Variants in DLGAP2 observed in about 807,000 individuals in gnomAD.
DLGAP2 encodes the protein disks large-associated protein 2.
A neutral mutation model predicts 100.3 loss-of-function variants in DLGAP2; 26 were observed. The observed-to-expected ratio is 0.26, with a 90% CI of 0.19 to 0.36. The LOEUF is 0.36. DLGAP2 is among the 10% of genes least tolerant of loss of function. The pLI, the probability that DLGAP2 is intolerant of heterozygous loss-of-function variation, is 1.00. For missense variants in DLGAP2, 1,858 were observed against 1,453.2 expected (o/e 1.28, Z -4.53); for synonymous variants, 886 against 630.1 (o/e 1.41, Z -6.08).
chr8:1,378,414 TCCGTC>T (rs1796012252), intron 3 of DLGAP2, among the ~76,000 whole-genome samples: 2 of 150,498 alleles, frequency 1.3e-5, no homozygotes, highest in African/African-American at 2.5e-5. Context: ...ACTTCGCCTG[TCCGTC>T]CTGCACACAC....
rs146247577 is a variant in DLGAP2 at position 1,056,279 on chromosome 8, C to T, written c.73+148313C>T. On this transcript the variant is annotated intron_variant, in intron 2 of 14. Coordinates refer to ENST00000637795, the MANE Select transcript of DLGAP2 (RefSeq NM_001346810.2). ...ACGTGGGCCTCTCCACTCGTGGCAT[C>T]TGTGGCCCCTCTAACGCATCCCATA... Among the ~76,000 whole-genome samples, 84 of 152,336 alleles carry T rather than the reference C, an allele frequency of 5.5e-4. No individual in the cohort carries two copies. The East Asian group carries it at 0.015, about 27-fold the overall frequency.
intron 2 of DLGAP2, among the ~76,000 whole-genome samples, chr8:960,048 C>G (rs1175309919): frequency 6.6e-6 from 1 of 151,978 alleles, no homozygotes; most frequent in Non-Finnish European, 1.5e-5. Flanking sequence ...ATAAAATCTT[C>G]AACCCTTAAG....
chr8:1,557,350 AGG>A (rs1801999859), intron 5 of DLGAP2, among the ~76,000 whole-genome samples: 1 of 152,080 alleles, frequency 6.6e-6, no homozygotes, highest in Non-Finnish European at 1.5e-5. Flanking sequence ...GACCTCCCTC[AGG>A]GTCCCGGAAA....
intron 2 of DLGAP2, among the ~76,000 whole-genome samples, chr8:987,559 G>T (rs961693785): frequency 5.9e-5 from 9 of 152,116 alleles, no homozygotes; most frequent in African/African-American, 1.7e-4. Flanking sequence ...TACTGGTTTT[G>T]TGGTTGCCCT....
At chr8:955,350 A>G (rs1406803744) in intron 2 of DLGAP2, among the ~76,000 whole-genome samples, 2 of 152,024 alleles carry the variant, frequency 1.3e-5, no homozygotes, top group African/African-American at 4.8e-5. Flanking sequence ...AGGCCTCTCA[A>G]TGTCAGAAGC....
At chr8:1,601,950 G>A (rs889033533) in intron 6 of DLGAP2, among the ~76,000 whole-genome samples, 4 of 150,060 alleles carry the variant, frequency 2.7e-5, no homozygotes, top group Admixed American at 6.6e-5. Context: ...AACAGGGTGT[G>A]TGTGTGTGTG....
At chr8:1,453,561 G>C (rs1214963783) in intron 3 of DLGAP2, among the ~76,000 whole-genome samples, 2 of 152,120 alleles carry the variant, frequency 1.3e-5, no homozygotes, top group Admixed American at 6.6e-5. Context: ...CTTGAGTGCA[G>C]TCATTTGCAA....
At chr8:953,367 T>C (rs1489378995) in intron 2 of DLGAP2, among the ~76,000 whole-genome samples, 1 of 152,100 alleles carries the variant, frequency 6.6e-6, no homozygotes, top group Non-Finnish European at 1.5e-5. Context: ...CTAATTTTTG[T>C]ATTTTTAGCA....
intron 3 of DLGAP2, among the ~76,000 whole-genome samples, chr8:1,475,296 C>A (rs569436398): frequency 3.9e-5 from 6 of 152,044 alleles, no homozygotes; most frequent in African/African-American, 1.4e-4. Flanking sequence ...TGCATGTGTA[C>A]CCTCAATTCT....
chr8:1,432,712 T>G (rs1003150913), intron 3 of DLGAP2, among the ~76,000 whole-genome samples: 2 of 152,240 alleles, frequency 1.3e-5, no homozygotes, highest in African/African-American at 4.8e-5. Flanking sequence ...GCTGTGAATT[T>G]GGCTGGTGAG....
intron 2 of DLGAP2, among the ~76,000 whole-genome samples, chr8:1,207,929 C>A (rs1798028645): frequency 6.6e-6 from 1 of 151,990 alleles, no homozygotes; most frequent in Admixed American, 6.6e-5. Flanking sequence ...GTTTTTATTT[C>A]TTGCTGGTTT....
chr8:1,513,474 T>C (rs900003342), intron 4 of DLGAP2, among the ~76,000 whole-genome samples: 10 of 152,138 alleles, frequency 6.6e-5, no homozygotes, highest in African/African-American at 2.4e-4. Flanking sequence ...GTGGGAGCGG[T>C]GCAAGCACAG....
At chr8:769,521 T>A (rs1479641739) in intron 1 of DLGAP2, among the ~76,000 whole-genome samples, 5 of 152,142 alleles carry the variant, frequency 3.3e-5, no homozygotes, top group African/African-American at 9.7e-5. Flanking sequence ...TGCTCCTTTT[T>A]AAAAAATCAT....
At chr8:1,343,969 A>G (rs1164243676) in intron 3 of DLGAP2, among the ~76,000 whole-genome samples, 1 of 152,250 alleles carries the variant, frequency 6.6e-6, no homozygotes, top group Non-Finnish European at 1.5e-5. Flanking sequence ...ACAGAGAAAC[A>G]TGGCGGACAG....
chr8:1,216,063 T>A (rs532595272), intron 2 of DLGAP2, among the ~76,000 whole-genome samples: 113 of 152,318 alleles, frequency 7.4e-4, no homozygotes, highest in African/African-American at 2.6e-3. Context: ...GTGCATTGGT[T>A]GGCTCCAAGT....
chr8:1,082,547 C>T (rs556013398), intron 2 of DLGAP2, among the ~76,000 whole-genome samples: 2 of 152,192 alleles, frequency 1.3e-5, no homozygotes, highest in African/African-American at 4.8e-5. Context: ...TCGGAACACA[C>T]ATGTCAAAGA....
At chr8:1,390,924 C>T (rs1456409609) in intron 3 of DLGAP2, among the ~76,000 whole-genome samples, 1 of 152,202 alleles carries the variant, frequency 6.6e-6, no homozygotes, top group South Asian at 2.1e-4. Flanking sequence ...CCTCAGAAGC[C>T]AAATTAAACA....
chr8:872,425 C>T (rs1431350647), intron 1 of DLGAP2, among the ~76,000 whole-genome samples: 1 of 151,600 alleles, frequency 6.6e-6, no homozygotes, highest in Non-Finnish European at 1.5e-5. Context: ...CCTCTGCCTC[C>T]CGGGTTCAAG....
At chr8:1,061,520 C>T (rs60350749) in intron 2 of DLGAP2, among the ~76,000 whole-genome samples, 9 of 152,050 alleles carry the variant, frequency 5.9e-5, no homozygotes, top group African/African-American at 1.7e-4. Flanking sequence ...TGCATCCCCC[C>T]CTCCAGCCAT....
Sources: allele counts gnomAD v4.1 joint callset (sites outside exome capture counted in the v4.1 genomes callset), GRCh38; gene constraint gnomAD v4.1.1; transcripts MANE v1.5; gene names NCBI Gene and HGNC (gene_info 2026-07-23, HGNC 2026-07-21).